Variants in MAML3 observed in about 807,000 individuals in gnomAD.
MAML3 encodes the protein mastermind like transcriptional coactivator 3, also known as mastermind-like protein 3.
In MAML3, 27 loss-of-function variants were observed where a neutral mutation model predicts 101.9. The observed-to-expected ratio is 0.27, with a 90% CI of 0.20 to 0.37. The LOEUF (loss-of-function observed/expected upper bound fraction) is 0.37. MAML3 is among the 10% of genes least tolerant of loss of function. The pLI is 1.00. For missense variants in MAML3, 1,316 were observed against 1,444.9 expected (o/e 0.91, Z 1.45); for synonymous variants, 501 against 555.9 (o/e 0.90, Z 1.39).
intron 1 of MAML3, among the ~76,000 whole-genome samples, chr4:139,943,910 G>T (rs1333102373): frequency 1.0e-5 from 1 of 96,578 alleles, no homozygotes; most frequent in South Asian, 3.0e-4. Context: ...TTGTTCTGTC[G>T]CCCAGGCTGG....
chr4:139,946,361 T>A (rs1429949014), intron 1 of MAML3, among the ~76,000 whole-genome samples: 1 of 152,196 alleles, frequency 6.6e-6, no homozygotes, highest in Non-Finnish European at 1.5e-5. Context: ...CAAATTTTCA[T>A]GGTTGATATG....
rs754947580 is a variant in MAML3, at chr4:139,889,963, CTGCTGT to C, written c.1467_1472del (p.Gln509_Gln510del). 13 of 1,441,502 alleles carry C rather than the reference CTGCTGT, an allele frequency of 9.0e-6. No homozygotes were observed. The highest frequency in any genetic ancestry group is 4.8e-5 in the East Asian group (2 of 41,746). 89.3% of individuals were successfully genotyped at this position (1,441,502 alleles called of 1,614,324 possible). A position where few individuals can be genotyped will look rare whatever the true frequency, so the allele number is the denominator to read the frequency against. On this transcript the variant is annotated inframe_deletion, in exon 2 of 5. Coordinates refer to ENST00000509479, the MANE Select transcript of MAML3 (RefSeq NM_018717.5). ...GCTGCTGCTGCTGCTGCTGCTGCTG[CTGCTGT>C]TGCTGTTGCTGTTTCTGCTGCATGA...
chr4:139,804,626 G>C (rs905089756), intron 2 of MAML3, among the ~76,000 whole-genome samples: 1 of 152,102 alleles, frequency 6.6e-6, no homozygotes, highest in Admixed American at 6.5e-5. Flanking sequence ...TGGGCTAGTT[G>C]ATTTTTAAGG....
At chr4:139,744,986 T>C (rs1729275703) in intron 2 of MAML3, among the ~76,000 whole-genome samples, 1 of 152,196 alleles carries the variant, frequency 6.6e-6, no homozygotes, top group African/African-American at 2.4e-5. Context: ...GTATTCTCCT[T>C]TATGAAATGA....
chr4:139,944,802 G>C (rs1167033298), intron 1 of MAML3, among the ~76,000 whole-genome samples: 1 of 145,534 alleles, frequency 6.9e-6, no homozygotes, highest in Non-Finnish European at 1.5e-5. Context: ...GGAAACAACA[G>C]GTGCTGGAGA....
At chr4:139,783,047 G>A (rs181830709) in intron 2 of MAML3, among the ~76,000 whole-genome samples, 28 of 152,238 alleles carry the variant, frequency 1.8e-4, no homozygotes, top group African/African-American at 6.5e-4. Context: ...CTTCCCCAGG[G>A]CTTGTCATTT....
At chr4:140,087,041 C>T (rs887806228) in intron 1 of MAML3, among the ~76,000 whole-genome samples, 1 of 152,090 alleles carries the variant, frequency 6.6e-6, no homozygotes, top group Non-Finnish European at 1.5e-5. Flanking sequence ...GTGCCTGTAA[C>T]CCCAGATACT....
chr4:139,961,295 G>A (rs1340231040), intron 1 of MAML3, among the ~76,000 whole-genome samples: 1 of 152,182 alleles, frequency 6.6e-6, no homozygotes, highest in Non-Finnish European at 1.5e-5. Flanking sequence ...GAACTCCTTC[G>A]AGGAATTCAA....
chr4:140,098,427 C>T (rs995675909), intron 1 of MAML3, among the ~76,000 whole-genome samples: 4 of 152,172 alleles, frequency 2.6e-5, no homozygotes, highest in African/African-American at 9.7e-5. Flanking sequence ...TTCAAGCAAT[C>T]ATGCATTTAG....
intron 2 of MAML3, among the ~76,000 whole-genome samples, chr4:139,833,611 C>T (rs1731209772): frequency 6.6e-6 from 1 of 152,152 alleles, no homozygotes; most frequent in Non-Finnish European, 1.5e-5. Context: ...AAATACAGTG[C>T]TTCGACTCTG....
At chr4:140,110,631 T>C (rs1260264163) in intron 1 of MAML3, among the ~76,000 whole-genome samples, 1 of 152,166 alleles carries the variant, frequency 6.6e-6, no homozygotes, top group East Asian at 1.9e-4. Context: ...GAAAGAGTAA[T>C]TAAATTTAAA....
chr4:140,106,698 A>G (rs1338064849), intron 1 of MAML3, among the ~76,000 whole-genome samples: 1 of 152,150 alleles, frequency 6.6e-6, no homozygotes, highest in African/African-American at 2.4e-5. Context: ...TTTCTTAATC[A>G]TTGGTGTTGC....
chr4:139,740,648 G>A (rs1411201140), intron 2 of MAML3: 2 of 152,068 alleles, frequency 1.3e-5, no homozygotes, highest in Non-Finnish European at 2.9e-5. Flanking sequence ...TGATGCATAG[G>A]CCTATCTTGT....
Position 139,986,968 on chromosome 4 carries a change from A to T in MAML3, c.469-96001T>A, listed in dbSNP as rs190099093. The stretch of plus-strand genomic sequence containing the variant: ...ACCATGGACAGTAATCAATTACTAG[A>T]GACCAGTAATGATACCAATCAAATG... On this transcript the variant is annotated intron_variant, in intron 1 of 4. Coordinates refer to ENST00000509479, the MANE Select transcript of MAML3 (RefSeq NM_018717.5). Among the ~76,000 whole-genome samples, 175 of 152,330 alleles carry T rather than the reference A, an allele frequency of 1.1e-3. 1 individual carries two copies. The Middle Eastern group carries it at 0.02, about 18-fold the overall frequency.
At chr4:140,040,978 G>A (rs9917854) in intron 1 of MAML3, among the ~76,000 whole-genome samples, 5,447 of 151,942 alleles carry the variant, frequency 0.036, 194 homozygotes, top group African/African-American at 0.088. Context: ...CTCTGAAATT[G>A]TCTATGAAAC....
intron 4 of MAML3, among the ~76,000 whole-genome samples, chr4:139,721,029 A>G (rs1454825316): frequency 2.6e-5 from 4 of 152,238 alleles, no homozygotes; most frequent in Admixed American, 1.3e-4. Flanking sequence ...ATAACTTGTC[A>G]TTGCAAACTG....
chr4:139,730,643 G>A lies in MAML3; in HGVS notation c.2104C>T (p.Arg702Ter). The change falls in exon 3 of 5, where the codon CGA becomes TGA. Residue 702 changes from arginine (R) to a stop codon, truncating the protein, a stop_gained. Transcript: ENST00000509479. LOFTEE classifies it high-confidence loss of function. ...GQEQHPVGLPRTTGPMQSSVP... is the reference protein window; with the variant it reads ...GQEQHPVGLP ...GAGGACTGCATGGGGCCTGTGGTTC[G>A]GGGAAGTCCAACTGGATGCTGCTCC... 2 of 1,612,818 alleles carry A rather than the reference G, an allele frequency of 1.2e-6. No homozygotes were observed. Among genetic ancestry groups the A allele is most frequent in the Non-Finnish European group, 8.5e-7 (1 of 1,179,410 alleles).
At chr4:140,104,041 C>T (rs1173674103) in intron 1 of MAML3, among the ~76,000 whole-genome samples, 1 of 151,974 alleles carries the variant, frequency 6.6e-6, no homozygotes. Context: ...CTGTTGTACA[C>T]ATCATATCAC....
intron 3 of MAML3, among the ~76,000 whole-genome samples, chr4:139,728,559 G>A (rs1006168762): frequency 1.3e-4 from 20 of 152,192 alleles, no homozygotes; most frequent in African/African-American, 4.6e-4. Context: ...ACATGCAAAA[G>A]AACGGACAAA....
Sources: gnomAD v4.1 joint callset for allele counts (sites outside exome capture counted in the v4.1 genomes callset) on GRCh38, gnomAD v4.1.1 for gene constraint, MANE v1.5 for transcripts, NCBI Gene and HGNC (gene_info 2026-07-23, HGNC 2026-07-21) for gene names.